The following USH1C variants were observed in gnomAD, a reference collection of about 807,000 sequenced individuals.
The protein encoded by USH1C is harmonin.
USH1C carries 90 observed loss-of-function variants against 119.3 expected under a neutral mutation model. That is an observed-to-expected ratio of 0.75 (90% CI 0.64 to 0.90). The LOEUF is 0.90. Ranked by LOEUF, USH1C falls within the 40% of genes least tolerant of loss-of-function variation. The pLI, the probability that USH1C is intolerant of heterozygous loss-of-function variation, is 0.00. For synonymous variants in USH1C, 465 were observed against 443.3 expected, an observed-to-expected ratio of 1.05 and a Z score of -0.62; for missense variants, 1,165 against 1,167.7, an observed-to-expected ratio of 1.00 and a Z score of 0.03.
rs148649303 is a variant in USH1C at position 17,517,470 on chromosome 11, A to G, written c.1211-1180T>C. 3 of 1,591,966 alleles carry G rather than the reference A, an allele frequency of 1.9e-6. No individual in the cohort carries two copies. The highest frequency in any genetic ancestry group is 1.7e-5 in the Admixed American group (1 of 57,146). Reference sequence around the variant, plus strand: ...GCTCGAGCTCAGGTTCCACTCCCTGATCATCTACCCAGGGAAAAGAGGAGG... The same window carrying G: ...GCTCGAGCTCAGGTTCCACTCCCTGGTCATCTACCCAGGGAAAAGAGGAGG... On this transcript the variant is annotated intron_variant, in intron 14 of 26. Transcript: ENST00000005226.
At chr11:17,544,184 G>A in intron 1 of USH1C, 88 bp downstream of exon 1, 2 of 1,566,116 alleles carry the variant, frequency 1.3e-6, no homozygotes, top group South Asian at 1.1e-5. Context: ...GCCGGAAAAG[G>A]GAGGGGCAGT....
intron 4 of USH1C, among the ~76,000 whole-genome samples, chr11:17,530,141 G>A (rs538006516): frequency 2.6e-5 from 4 of 152,162 alleles, no homozygotes; most frequent in South Asian, 2.1e-4. Flanking sequence ...ATTAGCCTTC[G>A]AGCCCCTTGA....
At position 17,531,580 on chromosome 11, in the gene USH1C, G is replaced by C; in HGVS notation, c.105-38C>G. 6.2e-7 allele frequency: 1 copy of C among 1,609,442 alleles called. No homozygotes were observed. Among genetic ancestry groups the C allele is most frequent in the Non-Finnish European group, 8.5e-7 (1 of 1,179,676 alleles). On this transcript the variant is annotated intron_variant, in intron 2 of 26. Transcript: ENST00000005226. The surrounding 1 kb of genome is among the most constrained non-coding windows in gnomAD (Gnocchi z 4.2). ...CGGGAATGCCTGGAGCCTCACCCCT[G>C]GCCATGACCTCAGGCACCCAGGGAT...
rs935876011 is a variant in USH1C at position 17,522,803 on chromosome 11, G to C, written c.1000C>G (p.Gln334Glu). Reference protein sequence around the residue: ...AMESNKILQEQQEMERQRRKE... With the variant: ...AMESNKILQEEQEMERQRRKE... ...ACTCACTGCCGCTCCATCTCCTGCT[G>C]CTCCTGGAGGATCTTGTTGGACTCC... Residue 334 changes from glutamine (Q) to glutamate (E), a missense_variant, in exon 12 of 27, where the codon CAG (glutamine) becomes GAG (glutamate). Coordinates refer to ENST00000005226, the MANE Select transcript of USH1C (RefSeq NM_153676.4). 4 of 1,613,900 alleles carry C rather than the reference G, an allele frequency of 2.5e-6. No individual in the cohort carries two copies. The African/African-American group carries it at 4.0e-5, about 16-fold the overall frequency.
rs372038696 is a variant in USH1C, at chr11:17,510,440, C to G, written c.1495G>C (p.Glu499Gln). The G allele has an allele frequency of 6.2e-7, 1 of 1,612,550 alleles. No homozygotes were observed. The highest frequency in any genetic ancestry group is 8.5e-7 in the Non-Finnish European group (1 of 1,179,708). ...TCATTATCAGCAGAGGAAATCTGCTCGAGGCGCGTTTGACAGAGCCTCTCC... is the reference window on the plus strand; with the variant it reads ...TCATTATCAGCAGAGGAAATCTGCTGGAGGCGCGTTTGACAGAGCCTCTCC... Reference protein sequence around the residue: ...WVERLCQTRLEQISSADNEIS... With the variant: ...WVERLCQTRLQQISSADNEIS... The change falls in exon 17 of 27, where the codon GAG becomes CAG. Residue 499 changes from glutamate to glutamine, a missense_variant. Glu to Gln is a conservative substitution (Grantham distance 29). Transcript: ENST00000005226.
chr11:17,523,625 G>C, intron 9 of USH1C, 147 bp from the exon 10 acceptor site: 2 of 791,000 alleles, frequency 2.5e-6, no homozygotes, highest in South Asian at 1.5e-5. Context: ...GGAGCAGTTG[G>C]AAAGCTCTGG....
chr11:17,502,007 C>A, intron 20 of USH1C, 27 bp from the exon 21 acceptor site: 1 of 1,612,348 alleles, frequency 6.2e-7, no homozygotes, highest in Non-Finnish European at 8.5e-7. Flanking sequence ...GGCTTTAGGG[C>A]AACACAGCAG....
intron 23 of USH1C, among the ~76,000 whole-genome samples, chr11:17,499,085 T>C (rs1210487581): frequency 6.6e-6 from 1 of 152,236 alleles, no homozygotes; most frequent in Non-Finnish European, 1.5e-5. Context: ...TTTGTCAGTC[T>C]TGAATGTGCT....
intron 15 of USH1C, among the ~76,000 whole-genome samples, chr11:17,512,593 G>T (rs1275012788): frequency 1.3e-5 from 2 of 152,200 alleles, no homozygotes; most frequent in African/African-American, 4.8e-5. Context: ...GGGAGGGCTG[G>T]CAAGCTTCAT....
intron 18 of USH1C, among the ~76,000 whole-genome samples, chr11:17,508,552 T>G (rs761795244): frequency 1.3e-5 from 2 of 152,234 alleles, no homozygotes; most frequent in East Asian, 3.8e-4. Flanking sequence ...GGGAGTGGAA[T>G]AATATTTTGT....
At position 17,511,895 on chromosome 11, in the gene USH1C, C is replaced by G. The variant is rs759066325; in HGVS notation, c.1413+7G>C. 1 of 1,612,698 alleles carries G rather than the reference C, an allele frequency of 6.2e-7. No individual in the cohort carries two copies. The highest frequency in any genetic ancestry group is 1.7e-5 in the Admixed American group (1 of 59,748). ...TTGCTTGCCTGGCCTGCAGGCAGGA[C>G]ACATACCTCCTGGGCCAGCCGGTTG... On this transcript the variant is annotated splice_region_variant and intron_variant, in intron 16 of 26. Coordinates refer to ENST00000005226, the MANE Select transcript of USH1C (RefSeq NM_153676.4).
chr11:17,532,004 G>A (rs917785127), intron 2 of USH1C, among the ~76,000 whole-genome samples: 2 of 152,128 alleles, frequency 1.3e-5, no homozygotes, highest in Admixed American at 6.5e-5. Context: ...TCACTGTCAC[G>A]TCATCTTTTC....
At chr11:17,544,142 G>T in intron 1 of USH1C, 130 bp downstream of exon 1, 1 of 1,220,262 alleles carries the variant, frequency 8.2e-7, no homozygotes, top group Non-Finnish European at 1.2e-6. Flanking sequence ...CGACCCTCGG[G>T]TGTCCCAGCC....
At position 17,501,137 on chromosome 11, in the gene USH1C, T is replaced by G; in HGVS notation, c.2294A>C (p.Asp765Ala). Residue 765 changes from aspartate (D) to alanine (A), a missense_variant, in exon 23 of 27, where the codon GAC (aspartate) becomes GCC (alanine). Asp to Ala is a moderately radical substitution (Grantham distance 126, BLOSUM62 -2). Coordinates refer to ENST00000005226, the MANE Select transcript of USH1C (RefSeq NM_153676.4). ...LLRIKKEGSLDLALEGGVDSP... is the reference protein window; with the variant it reads ...LLRIKKEGSLALALEGGVDSP... ...GTCCACACCGCCTTCCAGGGCCAGGTCTAAGGATCCCTCCTGGTTAGAGGA... is the reference window on the plus strand; with the variant it reads ...GTCCACACCGCCTTCCAGGGCCAGGGCTAAGGATCCCTCCTGGTTAGAGGA... The G allele has an allele frequency of 6.2e-7, 1 of 1,613,788 alleles. No individual in the cohort carries two copies. Among genetic ancestry groups the G allele is most frequent in the Non-Finnish European group, 8.5e-7 (1 of 1,179,892 alleles).
rs761895199 is a variant in USH1C, at chr11:17,501,983, G to A, written c.2185-3C>T. ...CCTTCCTCATATTTCCGGAAATCCT[G>A]GAAGCAAAGGGAGGGCTTTAGGGCA... On this transcript the variant is annotated splice_region_variant and splice_polypyrimidine_tract_variant and intron_variant, in intron 20 of 26. Coordinates refer to ENST00000005226, the MANE Select transcript of USH1C (RefSeq NM_153676.4). 3 of 1,613,564 alleles carry A rather than the reference G, an allele frequency of 1.9e-6. No homozygotes were observed. The highest frequency in any genetic ancestry group is 2.2e-5 in the South Asian group (2 of 90,954).
Position 17,495,652 on chromosome 11 carries a change from C to G in USH1C, c.2572G>C (p.Glu858Gln). ...AGCTTTCGGACCGGTTGGGGGCTTT[C>G]AGCTACGGAGGAGGGAAGAGAAGCT... Reference protein sequence around the residue: ...ELASLPSSVAESPQPVRKLLE... With the variant: ...ELASLPSSVAQSPQPVRKLLE... The change falls in exon 26 of 27, where the codon GAA becomes CAA. Residue 858 changes from glutamate to glutamine, a missense_variant. Physicochemically the swap from Glu to Gln is conservative, Grantham distance 29. Transcript: ENST00000005226. 6.2e-7 allele frequency: 1 copy of G among 1,614,208 alleles called. No individual in the cohort carries two copies. Among genetic ancestry groups the G allele is most frequent in the South Asian group, 1.1e-5 (1 of 91,080 alleles).
chr11:17,505,707 GA>G (rs1357943116), intron 19 of USH1C, 122 bp downstream of exon 19: 68 of 1,424,072 alleles, frequency 4.8e-5, no homozygotes, highest in Non-Finnish European at 5.0e-5. Flanking sequence ...AAGGTTAAGA[GA>G]TGGCATCTGT....
chr11:17,497,881 T>G (rs993436953), intron 24 of USH1C, among the ~76,000 whole-genome samples: 2 of 152,348 alleles, frequency 1.3e-5, no homozygotes, highest in East Asian at 1.9e-4. Flanking sequence ...AGAAAAGACC[T>G]TAAGTCTTTT....
intron 14 of USH1C, among the ~76,000 whole-genome samples, chr11:17,519,060 T>C (rs1201138684): frequency 6.6e-6 from 1 of 150,492 alleles, no homozygotes. Context: ...CTTGCAGGCA[T>C]AGAAGCCTGA....
Sources: gnomAD v4.1 joint callset for allele counts (sites outside exome capture counted in the v4.1 genomes callset) on GRCh38, gnomAD v4.1.1 for gene constraint, Gnocchi (gnomAD v3.1) non-coding constraint, MANE v1.5 for transcripts, NCBI Gene and HGNC (gene_info 2026-07-23, HGNC 2026-07-21) for gene names.